Variants in SCP2 observed in about 807,000 individuals in gnomAD.
SCP2 encodes SCP-2/3-oxoacyl-CoA thiolase.
A neutral mutation model predicts 71.4 loss-of-function variants in SCP2; 48 were observed. The ratio of observed to expected loss-of-function variants is 0.67; its 90% confidence interval spans 0.53 to 0.86. SCP2 has a LOEUF of 0.86. Ranked by LOEUF, SCP2 falls within the 40% of genes least tolerant of loss-of-function variation. The pLI is 0.00. For synonymous variants in SCP2, 220 were observed against 218.1 expected, an observed-to-expected ratio of 1.01 and a Z score of -0.08; for missense variants, 560 against 655.6, an observed-to-expected ratio of 0.85 and a Z score of 1.59.
Position 53,015,039 on chromosome 1 carries a change from G to A in SCP2, c.1231G>A (p.Ala411Thr), listed in dbSNP as rs1382711100. ...CTACAAGATGGGTTTTCCGGAAGCC[G>A]CCAGGTGAGTGACATTCAGAGTTTT... ...TLYKMGFPEAASSFRTHQIEA... is the reference protein window; with the variant it reads ...TLYKMGFPEATSSFRTHQIEA... The change falls in exon 12 of 16, where the codon GCC becomes ACC. Residue 411 changes from alanine to threonine, a missense_variant. By Grantham distance (58) the Ala-to-Thr change is moderately conservative. Coordinates refer to ENST00000371514, the MANE Select transcript of SCP2 (RefSeq NM_002979.5). 4 of 1,613,964 alleles carry A rather than the reference G, an allele frequency of 2.5e-6. No homozygotes were observed. The highest frequency in any genetic ancestry group is 1.1e-5 in the South Asian group (1 of 91,066).
intron 9 of SCP2, among the ~76,000 whole-genome samples, chr1:52,979,478 C>T (rs1658287124): frequency 6.6e-6 from 1 of 152,110 alleles, no homozygotes; most frequent in South Asian, 2.1e-4. Flanking sequence ...CATGAGCCAC[C>T]ACGCCTGGCC....
At chr1:53,028,769 A>G (rs4244640) in intron 13 of SCP2, among the ~76,000 whole-genome samples, 48,062 of 151,748 alleles carry the variant, frequency 0.32, 12,708 homozygotes, top group African/African-American at 0.72. Context: ...AAAAAAACCT[A>G]TTGTTTTTTG....
At chr1:52,957,110 A>G (rs932607051) in intron 5 of SCP2, among the ~76,000 whole-genome samples, 9 of 152,070 alleles carry the variant, frequency 5.9e-5, no homozygotes, top group Admixed American at 3.9e-4. Context: ...GGGTTTCACC[A>G]TATTGGCCAG....
At position 52,933,583 on chromosome 1, in the gene SCP2, G is replaced by GT. The variant is rs890633252; in HGVS notation, c.69+6123dup. ...AAAGGGAAACAATCATATGTTTATT[G>GT]TTTTTCCTGTATGAACTGTATCATT... is the stretch of plus-strand genomic sequence containing the variant. On this transcript the variant is annotated intron_variant, in intron 1 of 15. Transcript: ENST00000371514. Among the ~76,000 whole-genome samples the GT allele has an allele frequency of 7.6e-4, 115 of 152,268 alleles. 1 individual carries two copies. The highest frequency in any genetic ancestry group is 2.3e-3 in the African/African-American group (96 of 41,552).
intron 2 of SCP2, among the ~76,000 whole-genome samples, chr1:52,942,769 A>G (rs1428012548): frequency 7.1e-6 from 1 of 141,700 alleles, no homozygotes; most frequent in East Asian, 2.1e-4. Flanking sequence ...GCATGATCTC[A>G]GTTCACTGCA....
chr1:52,930,398 G>A (rs1439113830), intron 1 of SCP2, among the ~76,000 whole-genome samples: 1 of 152,076 alleles, frequency 6.6e-6, no homozygotes, highest in Non-Finnish European at 1.5e-5. Flanking sequence ...GCTGAGGTGG[G>A]TGTATCTCTT....
At chr1:52,946,116 A>G (rs557252517) in intron 2 of SCP2, among the ~76,000 whole-genome samples, 1 of 151,534 alleles carries the variant, frequency 6.6e-6, no homozygotes, top group South Asian at 2.1e-4. Flanking sequence ...TTTGGTAGAG[A>G]CAGGGTTTTG....
chr1:53,048,802 T>C (rs923523300), intron 15 of SCP2: 1 of 152,240 alleles, frequency 6.6e-6, no homozygotes, highest in Non-Finnish European at 1.5e-5. Flanking sequence ...TGAATGGACT[T>C]GATATAGTGA....
At chr1:53,017,302 C>T (rs1661401509) in intron 12 of SCP2, among the ~76,000 whole-genome samples, 1 of 152,110 alleles carries the variant, frequency 6.6e-6, no homozygotes, top group African/African-American at 2.4e-5. Context: ...CCACCATAAT[C>T]AAAATATAAA....
chr1:52,945,576 G>A (rs1470795777), intron 2 of SCP2, among the ~76,000 whole-genome samples: 1 of 151,966 alleles, frequency 6.6e-6, no homozygotes, highest in African/African-American at 2.4e-5. Flanking sequence ...GGTGGTGGGC[G>A]CCTGTAGTCC....
intron 11 of SCP2, among the ~76,000 whole-genome samples, chr1:52,999,912 G>T (rs775646184): frequency 1.3e-5 from 2 of 148,732 alleles, no homozygotes; most frequent in Admixed American, 1.4e-4. Context: ...TGCCTCCCAG[G>T]TTCAAGTGAT....
chr1:53,040,713 T>A (rs1165902572), intron 14 of SCP2, among the ~76,000 whole-genome samples: 7 of 152,054 alleles, frequency 4.6e-5, no homozygotes, highest in Non-Finnish European at 7.4e-5. Context: ...AGAGCGAGAC[T>A]CCGTCTAAAA....
chr1:53,044,457 A>G (rs11206077), intron 14 of SCP2, among the ~76,000 whole-genome samples: 8,430 of 152,282 alleles, frequency 0.055, 276 homozygotes, highest in Middle Eastern at 0.12. Flanking sequence ...AATTTATTCA[A>G]CAAGTATTTA....
intron 12 of SCP2, among the ~76,000 whole-genome samples, chr1:53,025,749 C>G (rs1279277221): frequency 2.0e-5 from 3 of 152,208 alleles, no homozygotes; most frequent in Admixed American, 6.5e-5. Flanking sequence ...CTAACTAGTG[C>G]CCACTCCTCT....
chr1:53,004,673 A>G (rs1048001244), intron 11 of SCP2, among the ~76,000 whole-genome samples: 3 of 152,238 alleles, frequency 2.0e-5, no homozygotes, highest in Non-Finnish European at 4.4e-5. Context: ...CAAGATGGCC[A>G]AATAGGAGCA....
At chr1:52,970,128 A>G (rs1446094382) in intron 6 of SCP2, among the ~76,000 whole-genome samples, 1 of 152,168 alleles carries the variant, frequency 6.6e-6, no homozygotes, top group Non-Finnish European at 1.5e-5. Flanking sequence ...GAATTATTTC[A>G]TGGAAATATT....
At chr1:52,980,252 G>T in intron 9 of SCP2, 144 bp from the exon 10 acceptor site, 1 of 697,654 alleles carries the variant, frequency 1.4e-6, no homozygotes, top group Non-Finnish European at 2.4e-6. Flanking sequence ...TGGATTATAG[G>T]CATGAGCCAA....
intron 11 of SCP2, among the ~76,000 whole-genome samples, chr1:53,012,209 C>T (rs774789612): frequency 1.8e-4 from 27 of 152,344 alleles, no homozygotes; most frequent in Non-Finnish European, 2.9e-4. Flanking sequence ...ACCTGCCCCA[C>T]GCCCAGAAGG....
intron 2 of SCP2, among the ~76,000 whole-genome samples, chr1:52,947,489 C>G (rs1263845972): frequency 6.6e-6 from 1 of 152,066 alleles, no homozygotes; most frequent in Non-Finnish European, 1.5e-5. Flanking sequence ...TAATTTTTCT[C>G]ATTTACTTAC....
Sources: allele counts gnomAD v4.1 joint callset (sites outside exome capture counted in the v4.1 genomes callset), GRCh38; gene constraint gnomAD v4.1.1; transcripts MANE v1.5; gene names NCBI Gene and HGNC (gene_info 2026-07-23, HGNC 2026-07-21).